The following RNF169 variants were observed in gnomAD, a reference collection of about 807,000 sequenced individuals.
RNF169 encodes the protein E3 ubiquitin-protein ligase RNF169.
Under a neutral mutation model 53.9 loss-of-function variants are expected in RNF169, and 24 were observed. That is an observed-to-expected ratio of 0.45 (90% CI 0.32 to 0.63). The LOEUF (loss-of-function observed/expected upper bound fraction) is 0.63. Among genes scored for constraint, RNF169 ranks in the 20% least tolerant of loss-of-function variants. The pLI is 0.04. For synonymous variants in RNF169, 396 were observed against 363.5 expected, an observed-to-expected ratio of 1.09 and a Z score of -1.02; for missense variants, 883 against 906.2, an observed-to-expected ratio of 0.97 and a Z score of 0.33.
Position 74,842,011 on chromosome 11 carries a change from T to C in RNF169, c.*5281T>C, listed in dbSNP as rs1454821352. 2.6e-5 allele frequency: 4 copies of C among 152,234 alleles called. No homozygotes were observed. The highest frequency in any genetic ancestry group is 7.2e-5 in the African/African-American group (3 of 41,454). 9.4% of individuals were successfully genotyped at this position (152,234 alleles called of 1,614,324 possible). A position where few individuals can be genotyped will look rare whatever the true frequency, so the allele number is the denominator to read the frequency against. On this transcript the variant is annotated 3_prime_UTR_variant, in exon 6 of 6. Transcript: ENST00000299563. Reference sequence around the variant, plus strand: ...ATTTAAATGCCAACGAATAGTTTTTTTTTTTTTGAACCTGATACACTGTTT... The same window carrying C: ...ATTTAAATGCCAACGAATAGTTTTTCTTTTTTTGAACCTGATACACTGTTT...
chr11:74,752,311 C>T (rs1565167510), intron 1 of RNF169, among the ~76,000 whole-genome samples: 1 of 146,066 alleles, frequency 6.8e-6, no homozygotes, highest in Non-Finnish European at 1.5e-5. Context: ...GTCAAAGATT[C>T]TTGGGCTGGG....
intron 1 of RNF169, among the ~76,000 whole-genome samples, chr11:74,765,806 C>CAAAAAA (rs35483204): frequency 2.8e-5 from 3 of 108,950 alleles, no homozygotes; most frequent in Admixed American, 1.0e-4. Context: ...GGCAACATCT[C>CAAAAAA]AAAAAAAAAA....
intron 1 of RNF169, among the ~76,000 whole-genome samples, chr11:74,757,050 GGTTA>G (rs1345002925): frequency 2.0e-5 from 3 of 147,444 alleles, no homozygotes; most frequent in African/African-American, 7.7e-5. Context: ...ACATTGTGCA[GGTTA>G]GTTACATATG....
In RNF169 at chr11:74,836,490, G is replaced by A; in HGVS notation, c.1887G>A (p.Lys629=). The change falls in exon 6 of 6, where the codon AAG becomes AAA. Residue 629 remains lysine, a synonymous_variant. Transcript: ENST00000299563. ...GCCGGAAAAGACACTGCAAGACCAAGCACTTAGAACAAAATGGCTCCCTTA... is the reference window on the plus strand; with the variant it reads ...GCCGGAAAAGACACTGCAAGACCAAACACTTAGAACAAAATGGCTCCCTTA... ...RRGRKRHCKT[K]HLEQNGSLKK... 6.2e-7 allele frequency: 1 copy of A among 1,614,180 alleles called. No homozygotes were observed. Among genetic ancestry groups the A allele is most frequent in the Middle Eastern group, 1.6e-4 (1 of 6,062 alleles).
chr11:74,836,649 TGA>T lies in RNF169; in HGVS notation c.2050_2051del (p.Arg684AlafsTer38). ...TGCAGTTGCAGCGCATGTTCGACAATGAGAGGCGGACTGTGAGCCGGCGAAAA... is the reference window on the plus strand; with the variant it reads ...TGCAGTTGCAGCGCATGTTCGACAATGAGGCGGACTGTGAGCCGGCGAAAA... ...ALQLQRMFDN[E>X]RRTVSRRKGS... On this transcript the variant is annotated frameshift_variant, in exon 6 of 6. Coordinates refer to ENST00000299563, the MANE Select transcript of RNF169 (RefSeq NM_001098638.2). LOFTEE classifies it high-confidence loss of function. 1.2e-6 allele frequency: 2 copies of T among 1,613,750 alleles called. No homozygotes were observed. Among genetic ancestry groups the T allele is most frequent in the Non-Finnish European group, 8.5e-7 (1 of 1,179,884 alleles).
intron 4 of RNF169, among the ~76,000 whole-genome samples, chr11:74,824,920 T>A (rs111504606): frequency 6.6e-6 from 1 of 152,154 alleles, no homozygotes; most frequent in African/African-American, 2.4e-5. Context: ...AGGAGGAGAT[T>A]GGGAGAATGG....
chr11:74,763,848 T>C (rs543621936), intron 1 of RNF169, among the ~76,000 whole-genome samples: 7 of 152,136 alleles, frequency 4.6e-5, no homozygotes, highest in African/African-American at 1.7e-4. Flanking sequence ...TAGCAAGAGG[T>C]TTTTTGTTTT....
intron 4 of RNF169, among the ~76,000 whole-genome samples, chr11:74,834,001 A>G (rs1164888869): frequency 1.3e-5 from 2 of 152,196 alleles, no homozygotes; most frequent in Non-Finnish European, 2.9e-5. Context: ...GACACTTGGG[A>G]AGTTTAGTTG....
At position 74,836,575 on chromosome 11, in the gene RNF169, G is replaced by A; in HGVS notation, c.1972G>A (p.Glu658Lys). 6.2e-7 allele frequency: 1 copy of A among 1,614,148 alleles called. No individual in the cohort carries two copies. Among genetic ancestry groups the A allele is most frequent in the African/African-American group, 1.3e-5 (1 of 75,052 alleles). The change falls in exon 6 of 6, where the codon GAG becomes AAG. Residue 658 changes from glutamate to lysine, a missense_variant. This residue lies in a region of RNF169 where 351 missense variants were observed against 337.3 expected (regional missense o/e 1.04). Transcript: ENST00000299563. ...GGCCCCAACAGACCCAGTCCTGCGA[G>A]AGATGGAGCAGAAGCTTCAGCAAGA... ...GLAPTDPVLR[E>K]MEQKLQQEEE... is the part of the protein sequence containing the mutation.
intron 4 of RNF169, chr11:74,830,847 A>G (rs2036167344): frequency 1.3e-5 from 2 of 152,200 alleles, no homozygotes; most frequent in African/African-American, 4.8e-5. Context: ...ATTTATTCCA[A>G]GAATGCAAAG....
intron 4 of RNF169, among the ~76,000 whole-genome samples, chr11:74,824,547 C>T (rs748415061): frequency 5.9e-5 from 9 of 152,152 alleles, no homozygotes; most frequent in Non-Finnish European, 1.2e-4. Context: ...AAGACATCTA[C>T]ACCAAGACAT....
chr11:74,795,725 C>T (rs558172915), intron 2 of RNF169, among the ~76,000 whole-genome samples: 7 of 152,184 alleles, frequency 4.6e-5, no homozygotes, highest in African/African-American at 1.7e-4. Flanking sequence ...GACATGGTGG[C>T]ACATGCCTGT....
chr11:74,770,580 C>G (rs1382619994), intron 1 of RNF169, among the ~76,000 whole-genome samples: 2 of 152,230 alleles, frequency 1.3e-5, no homozygotes, highest in African/African-American at 2.4e-5. Flanking sequence ...GCTCGCAGTT[C>G]CTCCATGAAT....
intron 1 of RNF169, among the ~76,000 whole-genome samples, chr11:74,757,054 A>C (rs948471940): frequency 1.4e-5 from 2 of 148,114 alleles, no homozygotes; most frequent in Non-Finnish European, 3.0e-5. Context: ...TGTGCAGGTT[A>C]GTTACATATG....
rs920152386 is a variant in RNF169 at position 74,748,922 on chromosome 11, G to C, written c.42G>C (p.Ala14=). Residue 14 remains alanine, a synonymous_variant, in exon 1 of 6, where the codon GCG becomes GCC. Coordinates refer to ENST00000299563, the MANE Select transcript of RNF169 (RefSeq NM_001098638.2). ...AGPSTRASSA[A]AAAALSRRGR... ...CGAGTACTCGGGCCTCTTCCGCGGC[G>C]GCAGCAGCCGCTCTGAGTCGGCGGG... 4.8e-6 allele frequency: 7 copies of C among 1,448,324 alleles called. No homozygotes were observed. In the African/African-American group the frequency reaches 8.9e-5, roughly 18 times the overall value. The allele number at this position is 1,448,324 out of a possible 1,614,324, so 89.7% of individuals were successfully genotyped here.
In RNF169 at chr11:74,789,716, T is replaced by G; in HGVS notation, c.576+17T>G. The G allele has an allele frequency of 6.8e-7, 1 of 1,475,556 alleles. No homozygotes were observed. Among genetic ancestry groups the G allele is most frequent in the Non-Finnish European group, 9.4e-7 (1 of 1,061,178 alleles). The allele number at this position is 1,475,556 out of a possible 1,614,324, so 91.4% of individuals were successfully genotyped here. The stretch of plus-strand genomic sequence containing the variant: ...TTGAGAAAGGTATAGTATTATCATG[T>G]CATTCATTTTCTTAAAGTAGATTGA... On this transcript the variant is annotated intron_variant, in intron 2 of 5. Transcript: ENST00000299563.
At chr11:74,778,948 C>G (rs2035377253) in intron 1 of RNF169, among the ~76,000 whole-genome samples, 1 of 152,216 alleles carries the variant, frequency 6.6e-6, no homozygotes. Flanking sequence ...GCATCTTTCA[C>G]TAACTTAAGC....
At chr11:74,803,227 A>G (rs2035759400) in intron 2 of RNF169, among the ~76,000 whole-genome samples, 1 of 151,928 alleles carries the variant, frequency 6.6e-6, no homozygotes, top group African/African-American at 2.4e-5. Flanking sequence ...CTGGAACTAC[A>G]GGCGCCCACC....
intron 1 of RNF169, among the ~76,000 whole-genome samples, chr11:74,751,647 T>C (rs187479241): frequency 6.6e-6 from 1 of 152,378 alleles, no homozygotes; most frequent in East Asian, 1.9e-4. Context: ...TTAGAATCTA[T>C]TGAGTCACTT....
Sources: allele counts gnomAD v4.1 joint callset (sites outside exome capture counted in the v4.1 genomes callset), GRCh38; gene constraint gnomAD v4.1.1; regional missense constraint gnomAD v4.1.1; transcripts MANE v1.5; gene names NCBI Gene and HGNC (gene_info 2026-07-23, HGNC 2026-07-21).